The following HOXA1 variants were observed in gnomAD, a reference collection of about 807,000 sequenced individuals.
The protein encoded by HOXA1 is homeobox protein Hox-A1.
A neutral mutation model predicts 28.3 loss-of-function variants in HOXA1; 21 were observed. The observed-to-expected ratio is 0.74, with a 90% CI of 0.53 to 1.07. The LOEUF is 1.07. HOXA1 is among the 50% of genes least tolerant of loss of function. The probability of loss-of-function intolerance (pLI) is 0.00; values close to 1 mark genes in which losing one functional copy is unlikely to be tolerated. For synonymous variants in HOXA1, 208 were observed against 181.2 expected, an observed-to-expected ratio of 1.15 and a Z score of -1.19; for missense variants, 446 against 434.3, an observed-to-expected ratio of 1.03 and a Z score of -0.24.
At position 27,094,214 on chromosome 7, in the gene HOXA1, G is replaced by C. The variant is rs1783762370; in HGVS notation, c.*226C>G. On this transcript the variant is annotated 3_prime_UTR_variant, in exon 2 of 2. Transcript: ENST00000643460. ...GCAGGAGGGATGTTAAGGCCCACCA[G>C]AAAATGTATGCTGGCACCCAATCTG... 1.8e-6 allele frequency: 1 copy of C among 553,206 alleles called. No homozygotes were observed. The highest frequency in any genetic ancestry group is 3.2e-6 in the Non-Finnish European group (1 of 308,170). The allele number at this position is 553,206 out of a possible 1,614,324, so 34.3% of individuals were successfully genotyped here.
chr7:27,095,738 C>G lies in HOXA1; in HGVS notation c.175G>C (p.Val59Leu). 6.2e-7 allele frequency: 1 copy of G among 1,612,268 alleles called. No individual in the cohort carries two copies. The highest frequency in any genetic ancestry group is 1.7e-5 in the Admixed American group (1 of 59,966). ...GDDRFLVGRG[V>L]QIGSPHHHHH... ...TGGTGGTGGGGCGAACCGATCTGCACCCCCCTGCCCACTAGGAAGCGGTCG... is the reference window on the plus strand; with the variant it reads ...TGGTGGTGGGGCGAACCGATCTGCAGCCCCCTGCCCACTAGGAAGCGGTCG... Residue 59 changes from valine (V) to leucine (L), a missense_variant, in exon 1 of 2, where the codon GTG becomes CTG. Coordinates refer to ENST00000643460, the MANE Select transcript of HOXA1 (RefSeq NM_005522.5).
At chr7:27,094,913 A>T in intron 1 of HOXA1, 118 bp from the exon 2 acceptor site, 1 of 804,674 alleles carries the variant, frequency 1.2e-6, no homozygotes, top group South Asian at 1.5e-5. Context: ...CTCAGCACAA[A>T]TCGGGCTGTG....
chr7:27,094,786 C>A lies in HOXA1; in HGVS notation c.662G>T (p.Gly221Val). The stretch of plus-strand genomic sequence containing the variant: ...GGGTTGACCCAGGTAGCCGTACTCT[C>A]CAACTTTCCCTGGGGCAAAGTGGGA... ...KRNPPKTGKV[G>V]EYGYLGQPNA... The change falls in exon 2 of 2, where the codon GGA becomes GTA. Residue 221 changes from glycine to valine, a missense_variant. By Grantham distance (109) the Gly-to-Val change is moderately radical. Transcript: ENST00000643460. 6.2e-7 allele frequency: 1 copy of A among 1,613,738 alleles called. No individual in the cohort carries two copies. Among genetic ancestry groups the A allele is most frequent in the Non-Finnish European group, 8.5e-7 (1 of 1,179,816 alleles).
At chr7:27,095,084 C>A in intron 1 of HOXA1, 177 bp downstream of exon 1, 1 of 726,878 alleles carries the variant, frequency 1.4e-6, no homozygotes, top group Admixed American at 2.4e-5. Context: ...CTTGAAAACA[C>A]ACCAATCCCT....
At chr7:27,095,101 T>C in intron 1 of HOXA1, 160 bp downstream of exon 1, 1 of 785,784 alleles carries the variant, frequency 1.3e-6, no homozygotes, top group East Asian at 2.7e-5. Flanking sequence ...CCCTGAGACT[T>C]CTTTGCCCCA....
In HOXA1 at chr7:27,094,431, GGAGCCGCCTCAGTGGGAGGTAGTCA is replaced by G. The variant is rs1343358530; in HGVS notation, c.992_*8del. 6.3e-7 allele frequency: 1 copy of G among 1,599,480 alleles called. No homozygotes were observed. The highest frequency in any genetic ancestry group is 8.6e-7 in the Non-Finnish European group (1 of 1,167,094). The stretch of plus-strand genomic sequence containing the variant: ...GATGCCTGGGCTGTTGTCTGGGGCT[GGAGCCGCCTCAGTGGGAGGTAGTCA>G]GAGTGTCTGAGGTAGAAGACCCCGG... On this transcript the variant is annotated stop_lost and 3_prime_UTR_variant, in exon 2 of 2. Transcript: ENST00000643460.
Position 27,095,907 on chromosome 7 carries a change from G to A in HOXA1, c.6C>T (p.Asp2=). 2 of 1,613,116 alleles carry A rather than the reference G, an allele frequency of 1.2e-6. No individual in the cohort carries two copies. Among genetic ancestry groups the A allele is most frequent in the Non-Finnish European group, 1.7e-6 (2 of 1,179,886 alleles). Residue 2 remains aspartate (D), a synonymous_variant, in exon 1 of 2, where the codon GAC becomes GAT. Coordinates refer to ENST00000643460, the MANE Select transcript of HOXA1 (RefSeq NM_005522.5). ...CCAGGAAGGAGTTCATTCTTGCATTGTCCATCTGTCACTGAGTGACCTGGT... is the reference window on the plus strand; with the variant it reads ...CCAGGAAGGAGTTCATTCTTGCATTATCCATCTGTCACTGAGTGACCTGGT... M[D]NARMNSFLEY... is the part of the protein sequence containing the mutation.
rs1273802050 is a variant in HOXA1 at position 27,093,628 on chromosome 7, G to A, written c.*812C>T. The A allele has an allele frequency of 1.3e-5, 2 of 152,474 alleles. No individual in the cohort carries two copies. The highest frequency in any genetic ancestry group is 2.9e-5 in the Non-Finnish European group (2 of 68,038). The allele number at this position is 152,474 out of a possible 1,614,324, so 9.4% of individuals were successfully genotyped here. The stretch of plus-strand genomic sequence containing the variant: ...GAAATTGGTTTGAATAATACTTTTA[G>A]GTTCTGAATAACCCAGCACAAATTT... On this transcript the variant is annotated 3_prime_UTR_variant, in exon 2 of 2. Coordinates refer to ENST00000643460, the MANE Select transcript of HOXA1 (RefSeq NM_005522.5).
chr7:27,094,566 G>A lies in HOXA1; in HGVS notation c.882C>T (p.Pro294=), dbSNP rs770156271. The part of the protein sequence containing the change: ...QKKREKEGLL[P]ISPATPPGND... Reference sequence around the variant, plus strand: ...TTCCTGGCGGGGTGGCCGGAGAGATGGGCAAGAGACCCTCCTTCTCACGTT... The same window carrying A: ...TTCCTGGCGGGGTGGCCGGAGAGATAGGCAAGAGACCCTCCTTCTCACGTT... Residue 294 remains proline (P), a synonymous_variant, in exon 2 of 2, where the codon CCC becomes CCT. Transcript: ENST00000643460. 3 of 1,614,148 alleles carry A rather than the reference G, an allele frequency of 1.9e-6. No homozygotes were observed. Among genetic ancestry groups the A allele is most frequent in the South Asian group, 1.1e-5 (1 of 91,084 alleles).
chr7:27,095,717 GGT>G lies in HOXA1; in HGVS notation c.194_195del (p.His65ProfsTer112). 1 of 1,613,104 alleles carries G rather than the reference GGT, an allele frequency of 6.2e-7. No homozygotes were observed. Among genetic ancestry groups the G allele is most frequent in the Non-Finnish European group, 8.5e-7 (1 of 1,179,728 alleles). ...TGGCGATGGTGGTGGTGGTGGTGGT[GGT>G]GGGGCGAACCGATCTGCACCCCCCT... Reference protein sequence around the residue: ...VGRGVQIGSPHHHHHHHHRHP... With the variant: ...VGRGVQIGSPXHHHHHHHRHP... On this transcript the variant is annotated frameshift_variant, in exon 1 of 2. Transcript: ENST00000643460. LOFTEE classifies it high-confidence loss of function.
At position 27,094,083 on chromosome 7, in the gene HOXA1, G is replaced by A. The variant is rs907379288; in HGVS notation, c.*357C>T. 6.6e-6 allele frequency: 2 copies of A among 305,094 alleles called. No homozygotes were observed. The highest frequency in any genetic ancestry group is 1.3e-5 in the Non-Finnish European group (2 of 157,498). The allele number at this position is 305,094 out of a possible 1,614,324, so 18.9% of individuals were successfully genotyped here. On this transcript the variant is annotated 3_prime_UTR_variant, in exon 2 of 2. Coordinates refer to ENST00000643460, the MANE Select transcript of HOXA1 (RefSeq NM_005522.5). The stretch of plus-strand genomic sequence containing the variant: ...GAGGGGAGAGCTGTACATATAGTTA[G>A]ATAAAAGATGAGAAGATTCCTTCTG...
chr7:27,094,408 T>A lies in HOXA1; in HGVS notation c.*32A>T. The A allele has an allele frequency of 1.4e-6, 2 of 1,455,990 alleles. No individual in the cohort carries two copies. Among genetic ancestry groups the A allele is most frequent in the Non-Finnish European group, 1.9e-6 (2 of 1,036,274 alleles). 90.2% of individuals were successfully genotyped at this position (1,455,990 alleles called of 1,614,324 possible). ...GGTAAGAAGTCCCAGCCCAAGGAGA[T>A]GCCTGGGCTGTTGTCTGGGGCTGGA... On this transcript the variant is annotated 3_prime_UTR_variant, in exon 2 of 2. Coordinates refer to ENST00000643460, the MANE Select transcript of HOXA1 (RefSeq NM_005522.5).
intron 1 of HOXA1, 69 bp from the exon 2 acceptor site, chr7:27,094,864 C>G (rs757644056): frequency 2.7e-6 from 3 of 1,126,660 alleles, no homozygotes; most frequent in Admixed American, 1.8e-5. Flanking sequence ...ATTCCCCACA[C>G]GCTTCATGGC....
Position 27,095,651 on chromosome 7 carries a change from C to T in HOXA1, c.262G>A (p.Val88Met). Residue 88 changes from valine to methionine, a missense_variant, in exon 1 of 2, where the codon GTG (valine) becomes ATG (methionine). By Grantham distance (21) the Val-to-Met change is conservative (BLOSUM62 1). Transcript: ENST00000643460. ...CCACAACTTGAGTGGGAGTAGGACA[C>T]CCCCAGGTTCCCGGAAGTCTGGTAG... The part of the protein sequence containing the change: ...ATYQTSGNLG[V>M]SYSHSSCGPS... 6.2e-7 allele frequency: 1 copy of T among 1,614,078 alleles called. No homozygotes were observed. The highest frequency in any genetic ancestry group is 8.5e-7 in the Non-Finnish European group (1 of 1,180,014).
Position 27,094,552 on chromosome 7 carries a change from G to C in HOXA1, c.896C>G (p.Thr299Ser). The change falls in exon 2 of 2, where the codon ACC (threonine) becomes AGC (serine). Residue 299 changes from threonine to serine, a missense_variant. Physicochemically the swap from Thr to Ser is moderately conservative, Grantham distance 58. Coordinates refer to ENST00000643460, the MANE Select transcript of HOXA1 (RefSeq NM_005522.5). ...GGCCTTCTCGTCGTTTCCTGGCGGG[G>C]TGGCCGGAGAGATGGGCAAGAGACC... ...KEGLLPISPA[T>S]PPGNDEKAEE... The C allele has an allele frequency of 6.2e-7, 1 of 1,614,216 alleles. No homozygotes were observed. Among genetic ancestry groups the C allele is most frequent in the Non-Finnish European group, 8.5e-7 (1 of 1,180,032 alleles).
rs772297076 is a variant in HOXA1, at chr7:27,094,607, G to T, written c.841C>A (p.Arg281=). 3.1e-6 allele frequency: 5 copies of T among 1,614,002 alleles called. No homozygotes were observed. The South Asian group carries it at 4.4e-5, about 14-fold the overall frequency. Residue 281 remains arginine (R), a synonymous_variant, in exon 2 of 2, where the codon CGA becomes AGA. Transcript: ENST00000643460. ...TTCTCACGTTTCTTTTGCTTCATTC[G>T]GCGGTTCTGGAACCAGATCTTCACT... ...TQVKIWFQNR[R]MKQKKREKEG...
chr7:27,095,893 T>C lies in HOXA1; in HGVS notation c.20A>G (p.Asn7Ser), dbSNP rs760336148. MDNARMNSFLEYPILSS... is the reference protein window; with the variant it reads MDNARMSSFLEYPILSS... ...AAGTATGGGGTATTCCAGGAAGGAG[T>C]TCATTCTTGCATTGTCCATCTGTCA... Residue 7 changes from asparagine (N) to serine (S), a missense_variant, in exon 1 of 2, where the codon AAC (asparagine) becomes AGC (serine). Coordinates refer to ENST00000643460, the MANE Select transcript of HOXA1 (RefSeq NM_005522.5). The C allele has an allele frequency of 5.6e-6, 9 of 1,613,190 alleles. No individual in the cohort carries two copies. The highest frequency in any genetic ancestry group is 7.6e-6 in the Non-Finnish European group (9 of 1,179,894).
At position 27,093,858 on chromosome 7, in the gene HOXA1, C is replaced by G. The variant is rs1233692750; in HGVS notation, c.*582G>C. On this transcript the variant is annotated 3_prime_UTR_variant, in exon 2 of 2. Transcript: ENST00000643460. Reference sequence around the variant, plus strand: ...GTACCAGTTTAGAGAGTTTGCCCACCCTGTTTTAGTAACCTAAACATTTCT... The same window carrying G: ...GTACCAGTTTAGAGAGTTTGCCCACGCTGTTTTAGTAACCTAAACATTTCT... 6.5e-6 allele frequency: 1 copy of G among 154,198 alleles called. No homozygotes were observed. The highest frequency in any genetic ancestry group is 1.4e-5 in the Non-Finnish European group (1 of 69,150). The allele number at this position is 154,198 out of a possible 1,614,324, so 9.6% of individuals were successfully genotyped here. A position where few individuals can be genotyped will look rare whatever the true frequency, so the allele number is the denominator to read the frequency against.
chr7:27,095,980 G>T lies in HOXA1; in HGVS notation c.-68C>A, dbSNP rs1023408773. 4 of 1,277,482 alleles carry T rather than the reference G, an allele frequency of 3.1e-6. No homozygotes were observed. The African/African-American group carries it at 5.9e-5, about 19-fold the overall frequency. 79.1% of individuals were successfully genotyped at this position (1,277,482 alleles called of 1,614,324 possible). On this transcript the variant is annotated 5_prime_UTR_variant, in exon 1 of 2. Transcript: ENST00000643460. ...TGCCAACTTTCTCACTTCCTCCATG[G>T]GGCCGGAGAAGAAAAATGATATGAA...
Sources: gnomAD v4.1 joint callset for allele counts on GRCh38, gnomAD v4.1.1 for gene constraint, MANE v1.5 for transcripts, NCBI Gene and HGNC (gene_info 2026-07-23, HGNC 2026-07-21) for gene names.